The following MYO1E variants were observed in gnomAD, a reference collection of about 807,000 sequenced individuals.
MYO1E encodes the protein unconventional myosin-Ie.
Under a neutral mutation model 151.1 loss-of-function variants are expected in MYO1E, and 68 were observed. That is an observed-to-expected ratio of 0.45 (90% CI 0.37 to 0.55). MYO1E has a LOEUF of 0.55. Ranked by LOEUF, MYO1E falls within the 20% of genes least tolerant of loss-of-function variation. The pLI, the probability that MYO1E is intolerant of heterozygous loss-of-function variation, is 0.00. For missense variants in MYO1E, 1,363 were observed against 1,389.3 expected (o/e 0.98, Z 0.30); for synonymous variants, 601 against 501.7 (o/e 1.20, Z -2.64).
At chr15:59,265,074 A>G (rs1458568456) in intron 2 of MYO1E, 4 of 152,236 alleles carry the variant, frequency 2.6e-5, no homozygotes, top group African/African-American at 4.8e-5. Flanking sequence ...CTTATGGTAA[A>G]CCCAATTTTA....
chr15:59,162,597 G>C (rs1169114183), intron 23 of MYO1E, among the ~76,000 whole-genome samples: 1 of 150,584 alleles, frequency 6.6e-6, no homozygotes, highest in African/African-American at 2.4e-5. Context: ...AGTGAGCCAA[G>C]GTCGCACCAC....
chr15:59,261,989 GTCAGGAGC>G (rs1232422715), intron 2 of MYO1E, among the ~76,000 whole-genome samples: 1 of 152,042 alleles, frequency 6.6e-6, no homozygotes, highest in Non-Finnish European at 1.5e-5. Context: ...ATCATTTGAG[GTCAGGAGC>G]TCGAGACTAG....
At chr15:59,154,288 G>A (rs143225221) in intron 25 of MYO1E, among the ~76,000 whole-genome samples, 4,083 of 152,284 alleles carry the variant, frequency 0.027, 76 homozygotes, top group Non-Finnish European at 0.04. Context: ...GGGCATCCAC[G>A]GCAGGAGCCT....
chr15:59,164,383 T>C (rs2079553327), intron 22 of MYO1E, among the ~76,000 whole-genome samples: 1 of 152,240 alleles, frequency 6.6e-6, no homozygotes, highest in Non-Finnish European at 1.5e-5. Context: ...TAGGCAAACC[T>C]GCTTCAGTGA....
At chr15:59,360,180 T>G (rs981604113) in intron 1 of MYO1E, among the ~76,000 whole-genome samples, 2 of 152,044 alleles carry the variant, frequency 1.3e-5, no homozygotes, top group Non-Finnish European at 2.9e-5. Context: ...GATCAGGAGG[T>G]CAAGGAATTT....
At chr15:59,340,453 T>G (rs1417513861) in intron 1 of MYO1E, among the ~76,000 whole-genome samples, 2 of 152,142 alleles carry the variant, frequency 1.3e-5, no homozygotes, top group African/African-American at 4.8e-5. Flanking sequence ...CTAATTTCTA[T>G]GGACTATTGG....
At chr15:59,315,791 G>A (rs564730128) in intron 1 of MYO1E, among the ~76,000 whole-genome samples, 140 of 152,230 alleles carry the variant, frequency 9.2e-4, no homozygotes, top group African/African-American at 3.0e-3. Context: ...TGCTGCTGTT[G>A]CTGTTAATAA....
intron 22 of MYO1E, 56 bp downstream of exon 22, chr15:59,171,841 G>A: frequency 6.2e-7 from 1 of 1,611,510 alleles, no homozygotes; most frequent in African/African-American, 1.3e-5. Flanking sequence ...TGGAACAGCG[G>A]ACCGTGATGC....
At chr15:59,220,255 C>T (rs899745278) in intron 9 of MYO1E, among the ~76,000 whole-genome samples, 1 of 152,158 alleles carries the variant, frequency 6.6e-6, no homozygotes, top group Admixed American at 6.5e-5. Flanking sequence ...TTGAGACTAG[C>T]CTGGTCAACG....
At chr15:59,269,957 G>T (rs939301438) in intron 2 of MYO1E, among the ~76,000 whole-genome samples, 1 of 152,010 alleles carries the variant, frequency 6.6e-6, no homozygotes, top group African/African-American at 2.4e-5. Context: ...CAGAGAGTCT[G>T]TTACAACTAC....
At chr15:59,339,093 C>T (rs2080747715) in intron 1 of MYO1E, among the ~76,000 whole-genome samples, 1 of 152,240 alleles carries the variant, frequency 6.6e-6, no homozygotes, top group African/African-American at 2.4e-5. Context: ...GATTGTGCCA[C>T]TGCACTCCAG....
chr15:59,263,683 T>C (rs1276268056), intron 2 of MYO1E, among the ~76,000 whole-genome samples: 1 of 152,162 alleles, frequency 6.6e-6, no homozygotes, highest in East Asian at 1.9e-4. Context: ...GGAACATGAA[T>C]TGCTATTAGG....
At chr15:59,171,183 T>G (rs1172842674) in intron 22 of MYO1E, 1 of 156,204 alleles carries the variant, frequency 6.4e-6, no homozygotes, top group Non-Finnish European at 1.5e-5. Context: ...ATGGGAGGAC[T>G]CCTAGTCTGG....
chr15:59,343,215 C>T (rs2080775367), intron 1 of MYO1E, among the ~76,000 whole-genome samples: 2 of 151,764 alleles, frequency 1.3e-5, no homozygotes, highest in Admixed American at 1.3e-4. Flanking sequence ...AATCCCTCAG[C>T]TTTTGTTTGT....
intron 9 of MYO1E, among the ~76,000 whole-genome samples, chr15:59,221,855 CA>C (rs201590342): frequency 6.6e-6 from 1 of 151,524 alleles, no homozygotes; most frequent in Non-Finnish European, 1.5e-5. Context: ...TCCAAGAAGG[CA>C]AAAAAAATCC....
At chr15:59,149,544 A>G (rs2079464213) in intron 26 of MYO1E, among the ~76,000 whole-genome samples, 1 of 152,218 alleles carries the variant, frequency 6.6e-6, no homozygotes, top group Non-Finnish European at 1.5e-5. Context: ...CAATACTGCA[A>G]TGAAAGGGTA....
chr15:59,321,961 G>A (rs1202403675), intron 1 of MYO1E, among the ~76,000 whole-genome samples: 1 of 152,134 alleles, frequency 6.6e-6, no homozygotes, highest in Admixed American at 6.5e-5. Context: ...ACCACCTGAG[G>A]TCAGGAATTG....
At chr15:59,270,142 T>C (rs1056194470) in intron 2 of MYO1E, among the ~76,000 whole-genome samples, 5 of 152,240 alleles carry the variant, frequency 3.3e-5, no homozygotes, top group Admixed American at 3.3e-4. Context: ...ACGTAATGTA[T>C]ATTTCAAAAT....
intron 26 of MYO1E, among the ~76,000 whole-genome samples, chr15:59,139,953 G>C (rs1474274497): frequency 6.6e-6 from 1 of 151,808 alleles, no homozygotes; most frequent in African/African-American, 2.4e-5. Flanking sequence ...TTACCCCTCA[G>C]AGCTCCCCTT....
Sources: allele counts gnomAD v4.1 joint callset (sites outside exome capture counted in the v4.1 genomes callset), GRCh38; gene constraint gnomAD v4.1.1; transcripts MANE v1.5; gene names NCBI Gene and HGNC (gene_info 2026-07-23, HGNC 2026-07-21).